Variants in GALK2 observed in about 807,000 individuals in gnomAD.
The protein encoded by GALK2 is galactokinase 2, also known as N-acetylgalactosamine kinase.
In GALK2, 36 loss-of-function variants were observed where a neutral mutation model predicts 52.4. The ratio of observed to expected loss-of-function variants is 0.69; its 90% CI spans 0.53 to 0.91. GALK2 has a LOEUF of 0.91. Ranked by LOEUF, GALK2 falls within the 40% of genes least tolerant of loss-of-function variation. The probability of loss-of-function intolerance (pLI) is 0.00; values close to 1 mark genes in which losing one functional copy is unlikely to be tolerated. For missense variants in GALK2, 579 were observed against 559.1 expected, an observed-to-expected ratio of 1.04 and a Z score of -0.36; for synonymous variants, 176 against 199.1, an observed-to-expected ratio of 0.88 and a Z score of 0.98.
chr15:49,298,132 C>T (rs1018339080), intron 8 of GALK2, among the ~76,000 whole-genome samples: 2 of 152,094 alleles, frequency 1.3e-5, no homozygotes, highest in Non-Finnish European at 2.9e-5. Flanking sequence ...AGATCTTTCA[C>T]CTCCTTGGTT....
chr15:49,270,092 A>G lies in GALK2; in HGVS notation c.505-11895A>G, dbSNP rs111845965. ...AACGTAACTATTCCTCCCATCTGCT[A>G]TGTCTCAGTTTTTTATTCTATTTGT... On this transcript the variant is annotated intron_variant, in intron 5 of 9. Transcript: ENST00000560031. 6.4e-3 allele frequency among the ~76,000 whole-genome samples: 969 copies of G among 152,252 alleles called. 17 individuals are homozygous for G. The highest frequency in any genetic ancestry group is 0.022 in the African/African-American group (931 of 41,536).
intron 9 of GALK2, among the ~76,000 whole-genome samples, chr15:49,326,733 G>A (rs1027493876): frequency 6.6e-6 from 1 of 152,096 alleles, no homozygotes; most frequent in Admixed American, 6.5e-5. Flanking sequence ...ATGTTTATTT[G>A]TTTGTAAGCA....
At chr15:49,199,995 G>A (rs371798819) in intron 1 of GALK2, among the ~76,000 whole-genome samples, 77 of 152,184 alleles carry the variant, frequency 5.1e-4, no homozygotes, top group African/African-American at 1.7e-3. Flanking sequence ...TTTTCTTGAG[G>A]TTTTTTGGGT....
At chr15:49,235,257 C>T (rs535176978) in intron 3 of GALK2, among the ~76,000 whole-genome samples, 2 of 152,298 alleles carry the variant, frequency 1.3e-5, no homozygotes, top group African/African-American at 4.8e-5. Flanking sequence ...CTATTCACAT[C>T]ATTCCTTCTA....
At chr15:49,303,586 T>C (rs1412555298) in intron 8 of GALK2, among the ~76,000 whole-genome samples, 1 of 152,206 alleles carries the variant, frequency 6.6e-6, no homozygotes, top group Non-Finnish European at 1.5e-5. Context: ...TCATTCTTAG[T>C]ATATTTACTT....
intron 2 of GALK2, among the ~76,000 whole-genome samples, chr15:49,210,566 A>G (rs1323974331): frequency 6.6e-6 from 1 of 151,800 alleles, no homozygotes; most frequent in Non-Finnish European, 1.5e-5. Flanking sequence ...TAGCCTCCCA[A>G]GTAGCTGGGA....
intron 3 of GALK2, among the ~76,000 whole-genome samples, chr15:49,233,729 T>G (rs555238031): frequency 9.2e-5 from 14 of 152,336 alleles, no homozygotes; most frequent in Admixed American, 9.1e-4. Context: ...TCTGATGAGC[T>G]GAAGTCAGAC....
chr15:49,230,069 G>A (rs1362383394), intron 3 of GALK2, among the ~76,000 whole-genome samples: 1 of 152,172 alleles, frequency 6.6e-6, no homozygotes, highest in Non-Finnish European at 1.5e-5. Flanking sequence ...ACAGCAGTTA[G>A]CACTCGTGGT....
At chr15:49,180,769 A>T (rs1026779429) in intron 1 of GALK2, among the ~76,000 whole-genome samples, 1 of 152,104 alleles carries the variant, frequency 6.6e-6, no homozygotes, top group Non-Finnish European at 1.5e-5. Flanking sequence ...ATTGCCTAGA[A>T]TGCTTCACCG....
chr15:49,170,108 G>T, upstream of GALK2: 1 of 1,138,872 alleles, frequency 8.8e-7, no homozygotes, highest in Non-Finnish European at 1.2e-6. Context: ...GTACCTGACT[G>T]CTGCTTGGAG....
At chr15:49,156,987 GCTCCCTGA>G (rs888023467) in intron 1 of GALK2, 14 of 289,048 alleles carry the variant, frequency 4.8e-5, no homozygotes, top group Admixed American at 3.0e-4. Context: ...TATTTATTGA[GCTCCCTGA>G]ATTTTCAAGA....
At chr15:49,267,806 G>T (rs2092408096) in intron 5 of GALK2, among the ~76,000 whole-genome samples, 1 of 152,046 alleles carries the variant, frequency 6.6e-6, no homozygotes, top group Non-Finnish European at 1.5e-5. Flanking sequence ...ATCAAAGAAG[G>T]AAGTTGGAAA....
intron 8 of GALK2, among the ~76,000 whole-genome samples, chr15:49,299,734 C>CTTTCTTTCTTTCTTTT (rs1567037181): frequency 4.1e-5 from 2 of 48,366 alleles, no homozygotes; most frequent in African/African-American, 2.1e-4. Flanking sequence ...TTCTTTCTTT[C>CTTTCTTTCTTTCTTTT]TTTTCTTTCT....
Position 49,256,600 on chromosome 15 carries a change from A to G in GALK2, c.504+17233A>G, listed in dbSNP as rs74666049. Among the ~76,000 whole-genome samples the G allele has an allele frequency of 7.7e-3, 1,174 of 152,260 alleles. 16 individuals carry two copies. The highest frequency in any genetic ancestry group is 0.027 in the African/African-American group (1,130 of 41,550). On this transcript the variant is annotated intron_variant, in intron 5 of 9. Transcript: ENST00000560031. ...ATTGCTGGTACTGAACCATTCACGT[A>G]TATTTGCTTACTCAGTACCATCCGT...
At chr15:49,352,995 A>G (rs1273081603) in intron 3 of GALK2, among the ~76,000 whole-genome samples, 2 of 152,224 alleles carry the variant, frequency 1.3e-5, no homozygotes, top group Non-Finnish European at 2.9e-5. Flanking sequence ...TTAGGGGACT[A>G]TGCACAGACA....
chr15:49,181,905 A>G (rs11629547), intron 1 of GALK2, among the ~76,000 whole-genome samples: 50,293 of 151,698 alleles, frequency 0.33, 9,040 homozygotes, highest in East Asian at 0.58. Flanking sequence ...TACATGAGAT[A>G]TTTTGATACA....
rs113276417 is a variant in GALK2 at position 49,319,635 on chromosome 15, G to C, written c.999G>C (p.Lys333Asn). The C allele has an allele frequency of 6.3e-5, 101 of 1,614,056 alleles. No individual in the cohort carries two copies. The African/African-American group carries it at 1.2e-3, about 19-fold the overall frequency. ...TCTTCAAACTCTATCAGCGGGCAAA[G>C]CATGTGTACAGCGAGGCTGCGCGAG... is the stretch of plus-strand genomic sequence containing the variant. The part of the protein sequence containing the change: ...VLIFKLYQRA[K>N]HVYSEAARVL... The change falls in exon 9 of 10, where the codon AAG (lysine) becomes AAC (asparagine). Residue 333 changes from lysine (K) to asparagine (N), a missense_variant. Lys to Asn is a moderately conservative substitution (Grantham distance 94). Transcript: ENST00000560031.
intron 1 of GALK2, chr15:49,198,764 T>A (rs2141293228): frequency 6.6e-6 from 1 of 152,166 alleles, no homozygotes; most frequent in Non-Finnish European, 1.5e-5. Context: ...TTTAGATTAA[T>A]CTTAGTTTTG....
At chr15:49,196,114 AT>A (rs917156978) in intron 1 of GALK2, among the ~76,000 whole-genome samples, 1 of 151,902 alleles carries the variant, frequency 6.6e-6, no homozygotes, top group Non-Finnish European at 1.5e-5. Context: ...CAGGCTTTGA[AT>A]TTTTAGGTCT....
Sources: allele counts gnomAD v4.1 joint callset (sites outside exome capture counted in the v4.1 genomes callset), GRCh38; gene constraint gnomAD v4.1.1; transcripts MANE v1.5; gene names NCBI Gene and HGNC (gene_info 2026-07-23, HGNC 2026-07-21).